The following CREM variants were observed in gnomAD, a reference collection of about 807,000 sequenced individuals.
The protein encoded by CREM is cAMP responsive element modulator.
CREM carries 13 observed loss-of-function variants against 37.3 expected under a neutral mutation model. The observed-to-expected ratio is 0.35, with a 90% CI of 0.23 to 0.55. The LOEUF is 0.55. Ranked by LOEUF, CREM falls within the 20% of genes least tolerant of loss-of-function variation. The probability of loss-of-function intolerance (pLI) is 0.88; values close to 1 mark genes in which losing one functional copy is unlikely to be tolerated. For missense variants in CREM, 296 were observed against 362.3 expected (o/e 0.82, Z 1.49); for synonymous variants, 124 against 120.2 (o/e 1.03, Z -0.21).
At chr10:35,204,947 C>A (rs1432262512) in intron 6 of CREM, among the ~76,000 whole-genome samples, 1 of 152,174 alleles carries the variant, frequency 6.6e-6, no homozygotes, top group Admixed American at 6.5e-5. Context: ...AATACATTTT[C>A]ATGAAATACA....
intron 3 of CREM, among the ~76,000 whole-genome samples, chr10:35,169,626 A>G (rs2093707489): frequency 6.6e-6 from 1 of 152,050 alleles, no homozygotes; most frequent in South Asian, 2.1e-4. Context: ...AACTGCCAAC[A>G]CTGTTGAATA....
chr10:35,162,415 A>G (rs60249526), intron 3 of CREM, among the ~76,000 whole-genome samples: 8,718 of 152,322 alleles, frequency 0.057, 281 homozygotes, highest in African/African-American at 0.067. Context: ...TTGAATGTTA[A>G]TAATGTTCTC....
At position 35,211,598 on chromosome 10, in the gene CREM, G is replaced by GT. The variant is rs2095666076; in HGVS notation, c.*203dup. ...ACACTTACCGAGCTTACTTTGATCT[G>GT]TTTGTCAATAGCATGCAAAAAATGC... On this transcript the variant is annotated 3_prime_UTR_variant, in exon 8 of 8. Coordinates refer to ENST00000685392, the MANE Select transcript of CREM (RefSeq NM_183011.2). 1.3e-6 allele frequency: 2 copies of GT among 1,587,556 alleles called. No individual in the cohort carries two copies. Among genetic ancestry groups the GT allele is most frequent in the Non-Finnish European group, 1.7e-6 (2 of 1,166,928 alleles).
Position 35,179,198 on chromosome 10 carries a change from G to A in CREM, c.331G>A (p.Glu111Lys). 1 of 1,614,086 alleles carries A rather than the reference G, an allele frequency of 6.2e-7. No individual in the cohort carries two copies. Among genetic ancestry groups the A allele is most frequent in the Non-Finnish European group, 8.5e-7 (1 of 1,179,974 alleles). The change falls in exon 5 of 8, where the codon GAG becomes AAG. Residue 111 changes from glutamate to lysine, a missense_variant. Around this residue, in one of 2 missense-constraint regions of CREM, gnomAD observed 257 missense variants for 280.2 expected, o/e 0.92. Transcript: ENST00000685392. The stretch of plus-strand genomic sequence containing the variant: ...TCCCAAGATTGAAGAAGAGAGATCA[G>A]AGGAAGAAGGAACACCACCTAGTAT... ...GVPKIEEERS[E>K]EEGTPPSIAT... is the part of the protein sequence containing the mutation.
chr10:35,147,352 C>A (rs2092250979), intron 2 of CREM, among the ~76,000 whole-genome samples: 1 of 151,974 alleles, frequency 6.6e-6, no homozygotes, highest in South Asian at 2.1e-4. Context: ...CGTGCCCGGC[C>A]TCTATAGGTT....
In CREM at chr10:35,190,336, G is replaced by T. The variant is rs140513103; in HGVS notation, c.598+1948G>T. Among the ~76,000 whole-genome samples the T allele has an allele frequency of 6.3e-3, 957 of 152,220 alleles. 12 individuals are homozygous for T. The highest frequency in any genetic ancestry group is 0.022 in the African/African-American group (900 of 41,532). On this transcript the variant is annotated intron_variant, in intron 6 of 7. Coordinates refer to ENST00000685392, the MANE Select transcript of CREM (RefSeq NM_183011.2). ...CACTTCTGTATATAGTATTTGGTGG[G>T]AATTCATTTTTAACTTTTTTCTCCG...
Position 35,211,845 on chromosome 10 carries a change from T to C in CREM, c.*447T>C. On this transcript the variant is annotated 3_prime_UTR_variant, in exon 8 of 8. Transcript: ENST00000685392. Reference sequence around the variant, plus strand: ...ACTGAAGGCAGCATGTATAGTTGCTTTTGAAGGAATACAATATATAGCTGG... The same window carrying C: ...ACTGAAGGCAGCATGTATAGTTGCTCTTGAAGGAATACAATATATAGCTGG... The C allele has an allele frequency of 1.3e-6, 2 of 1,546,646 alleles. No homozygotes were observed. The highest frequency in any genetic ancestry group is 1.7e-6 in the Non-Finnish European group (2 of 1,147,488).
chr10:35,177,562 G>A (rs1478038698), intron 3 of CREM, among the ~76,000 whole-genome samples: 1 of 152,202 alleles, frequency 6.6e-6, no homozygotes, highest in African/African-American at 2.4e-5. Flanking sequence ...GTCTTTCAAA[G>A]TGCTGGGATT....
At chr10:35,132,769 G>A (rs1418693452) in intron 1 of CREM, among the ~76,000 whole-genome samples, 2 of 152,036 alleles carry the variant, frequency 1.3e-5, no homozygotes, top group Admixed American at 6.6e-5. Flanking sequence ...TCTCATCCCC[G>A]TCAATTGCAG....
intron 6 of CREM, among the ~76,000 whole-genome samples, chr10:35,199,464 A>G (rs1464117240): frequency 6.6e-6 from 1 of 152,242 alleles, no homozygotes; most frequent in African/African-American, 2.4e-5. Flanking sequence ...TTAAAATAAA[A>G]AAATCACTTA....
At chr10:35,178,434 T>C (rs116176239) in intron 3 of CREM, among the ~76,000 whole-genome samples, 3,727 of 152,284 alleles carry the variant, frequency 0.024, 141 homozygotes, top group African/African-American at 0.084. Context: ...TGATGGCTAA[T>C]GTGAAGACCC....
At chr10:35,181,348 A>G (rs1347547723) in intron 5 of CREM, among the ~76,000 whole-genome samples, 1 of 152,210 alleles carries the variant, frequency 6.6e-6, no homozygotes. Flanking sequence ...AGGGGGAAAA[A>G]GACATGCTAC....
rs780691904 is a variant in CREM, at chr10:35,206,971, A to G, written c.675A>G (p.Ala225=). Residue 225 remains alanine (A), a synonymous_variant, in exon 7 of 8, where the codon GCA becomes GCG. Coordinates refer to ENST00000685392, the MANE Select transcript of CREM (RefSeq NM_183011.2). The part of the protein sequence containing the change: ...AALPQGVVMA[A]SPGSLHSPQQ... ...TGCCACAGGGAGTGGTGATGGCTGCATCGCCCGGAAGTTTGCACAGTCCCC... is the reference window on the plus strand; with the variant it reads ...TGCCACAGGGAGTGGTGATGGCTGCGTCGCCCGGAAGTTTGCACAGTCCCC... 6.2e-7 allele frequency: 1 copy of G among 1,614,118 alleles called. No homozygotes were observed. The highest frequency in any genetic ancestry group is 8.5e-7 in the Non-Finnish European group (1 of 1,180,036).
At chr10:35,167,272 A>G (rs976374076) in intron 3 of CREM, among the ~76,000 whole-genome samples, 5 of 152,380 alleles carry the variant, frequency 3.3e-5, no homozygotes, top group Non-Finnish European at 4.4e-5. Context: ...TTTTTCCCCT[A>G]TAGAACAGAC....
At chr10:35,162,066 G>A (rs1186033824) in intron 3 of CREM, among the ~76,000 whole-genome samples, 1 of 152,188 alleles carries the variant, frequency 6.6e-6, no homozygotes, top group Non-Finnish European at 1.5e-5. Context: ...AGTATGGTAT[G>A]TATACACAAT....
chr10:35,180,684 A>G (rs2094315584), intron 5 of CREM, among the ~76,000 whole-genome samples: 1 of 152,194 alleles, frequency 6.6e-6, no homozygotes, highest in Non-Finnish European at 1.5e-5. Flanking sequence ...TCTCTCGTTT[A>G]CATGCTCTTT....
chr10:35,154,390 A>G (rs1254534399), intron 3 of CREM: 1 of 263,158 alleles, frequency 3.8e-6, no homozygotes, highest in African/African-American at 2.2e-5. Flanking sequence ...AGAGATCTGC[A>G]TTATGTTAGG....
intron 5 of CREM, 135 bp from the exon 6 acceptor site, chr10:35,188,065 A>G (rs1479073448): frequency 4.8e-6 from 4 of 832,058 alleles, no homozygotes; most frequent in East Asian, 2.7e-5. Flanking sequence ...TTCCTTCTCA[A>G]TTCAGCATAG....
intron 3 of CREM, chr10:35,175,483 T>A (rs2094012412): frequency 1.7e-6 from 1 of 573,868 alleles, no homozygotes; most frequent in African/African-American, 1.9e-5. Flanking sequence ...TATCTCCAAT[T>A]TCTCTGAAGA....
Sources: gnomAD v4.1 joint callset for allele counts (sites outside exome capture counted in the v4.1 genomes callset) on GRCh38, gnomAD v4.1.1 for gene constraint, gnomAD v4.1.1 regional missense constraint, MANE v1.5 for transcripts, NCBI Gene and HGNC (gene_info 2026-07-23, HGNC 2026-07-21) for gene names.